The following RNGTT variants were observed in gnomAD, a reference collection of about 807,000 sequenced individuals.
RNGTT encodes mRNA-capping enzyme.
Under a neutral mutation model 79.3 loss-of-function variants are expected in RNGTT, and 33 were observed. That is an observed-to-expected ratio of 0.42 (90% CI 0.32 to 0.56). RNGTT has a LOEUF of 0.56. RNGTT is among the 20% of genes least tolerant of loss of function. The pLI, the probability that RNGTT is intolerant of heterozygous loss-of-function variation, is 0.17. For synonymous variants in RNGTT, 222 were observed against 235.9 expected, an observed-to-expected ratio of 0.94 and a Z score of 0.54; for missense variants, 497 against 739.1, an observed-to-expected ratio of 0.67 and a Z score of 3.80.
intron 11 of RNGTT, among the ~76,000 whole-genome samples, chr6:88,824,260 A>G (rs1780584130): frequency 1.3e-5 from 2 of 152,234 alleles, no homozygotes; most frequent in Admixed American, 1.3e-4. Flanking sequence ...TATACAATAT[A>G]CAGCCTATTG....
chr6:88,889,439 G>A (rs78714212), intron 8 of RNGTT, among the ~76,000 whole-genome samples: 2,852 of 152,148 alleles, frequency 0.019, 79 homozygotes, highest in African/African-American at 0.065. Flanking sequence ...GTAACTACAT[G>A]TTAAATGGAG....
At chr6:88,658,389 G>A (rs1274720588) in intron 14 of RNGTT, among the ~76,000 whole-genome samples, 1 of 152,184 alleles carries the variant, frequency 6.6e-6, no homozygotes, top group African/African-American at 2.4e-5. Flanking sequence ...GGTATCCACA[G>A]CTGGAAGATC....
intron 11 of RNGTT, among the ~76,000 whole-genome samples, chr6:88,813,767 G>T (rs1425728903): frequency 6.6e-6 from 1 of 152,132 alleles, no homozygotes; most frequent in Non-Finnish European, 1.5e-5. Flanking sequence ...CTCTACTCTA[G>T]TCTAGGTTAT....
chr6:88,648,714 T>C (rs1271505659), intron 14 of RNGTT, among the ~76,000 whole-genome samples: 1 of 152,172 alleles, frequency 6.6e-6, no homozygotes, highest in Non-Finnish European at 1.5e-5. Context: ...TTCTCCTAAT[T>C]GGTAGTGCAA....
intron 11 of RNGTT, among the ~76,000 whole-genome samples, chr6:88,804,933 T>C (rs1779906988): frequency 6.6e-6 from 1 of 152,220 alleles, no homozygotes; most frequent in Admixed American, 6.5e-5. Context: ...AAATGCTTTT[T>C]CCCCTCATTC....
intron 8 of RNGTT, among the ~76,000 whole-genome samples, chr6:88,869,301 A>G (rs751671908): frequency 1.5e-4 from 23 of 152,318 alleles, no homozygotes; most frequent in African/African-American, 5.5e-4. Context: ...ACTTCAAGTC[A>G]TAAGAAGCTT....
At chr6:88,932,084 G>A (rs760909617) in intron 2 of RNGTT, among the ~76,000 whole-genome samples, 3 of 152,098 alleles carry the variant, frequency 2.0e-5, no homozygotes, top group Admixed American at 6.6e-5. Flanking sequence ...AAATATCACT[G>A]AATTCTCTCC....
intron 13 of RNGTT, among the ~76,000 whole-genome samples, chr6:88,720,632 T>A (rs1296669814): frequency 6.6e-6 from 1 of 152,146 alleles, no homozygotes; most frequent in African/African-American, 2.4e-5. Context: ...GTTGTGAATA[T>A]GGTATTTGCT....
In RNGTT at chr6:88,652,983, C is replaced by G. The variant is rs16881006; in HGVS notation, c.1506+25370G>C. Among the ~76,000 whole-genome samples the G allele has an allele frequency of 8.3e-3, 1,259 of 152,264 alleles. 19 individuals carry two copies. The highest frequency in any genetic ancestry group is 0.029 in the African/African-American group (1,186 of 41,566). On this transcript the variant is annotated intron_variant, in intron 14 of 15. Transcript: ENST00000369485. ...ATAAGTAAAATGCATAACTTCTAGACATTTAATATGAATCTAGATCCGAAA... is the reference window on the plus strand; with the variant it reads ...ATAAGTAAAATGCATAACTTCTAGAGATTTAATATGAATCTAGATCCGAAA...
At chr6:88,651,399 T>C (rs865868479) in intron 14 of RNGTT, among the ~76,000 whole-genome samples, 1 of 152,174 alleles carries the variant, frequency 6.6e-6, no homozygotes, top group African/African-American at 2.4e-5. Flanking sequence ...CTGGAATGTT[T>C]AAAGTACCTA....
At chr6:88,711,645 C>T (rs889743472) in intron 13 of RNGTT, among the ~76,000 whole-genome samples, 2 of 152,204 alleles carry the variant, frequency 1.3e-5, no homozygotes, top group Admixed American at 1.3e-4. Flanking sequence ...TGTTCACGCC[C>T]ACTTGCAGAG....
At chr6:88,706,741 GTTTTATAACTTC>G (rs1776141383) in intron 13 of RNGTT, among the ~76,000 whole-genome samples, 1 of 151,910 alleles carries the variant, frequency 6.6e-6, no homozygotes, top group East Asian at 1.9e-4. Context: ...ACAAATAAAT[GTTTTATAACTTC>G]TTTAACTTAG....
intron 14 of RNGTT, among the ~76,000 whole-genome samples, chr6:88,645,650 A>T (rs1773519878): frequency 6.6e-6 from 1 of 152,210 alleles, no homozygotes; most frequent in Non-Finnish European, 1.5e-5. Flanking sequence ...TGGTACCAAA[A>T]CAGAGATACA....
chr6:88,717,373 A>T (rs1266415323), intron 13 of RNGTT, among the ~76,000 whole-genome samples: 1 of 152,232 alleles, frequency 6.6e-6, no homozygotes, highest in Non-Finnish European at 1.5e-5. Context: ...CTCAAATCAC[A>T]AAGATCTCAG....
chr6:88,900,463 T>C (rs1013763297), intron 6 of RNGTT, among the ~76,000 whole-genome samples: 4 of 152,068 alleles, frequency 2.6e-5, no homozygotes, highest in East Asian at 1.9e-4. Context: ...ATATCCAAAG[T>C]AGGCTGATGC....
intron 14 of RNGTT, among the ~76,000 whole-genome samples, chr6:88,677,667 T>G (rs994585649): frequency 1.3e-5 from 2 of 152,102 alleles, no homozygotes; most frequent in Non-Finnish European, 2.9e-5. Flanking sequence ...TTCACTATGT[T>G]GCCCAGGCTA....
At chr6:88,686,884 C>A (rs1457695693) in intron 13 of RNGTT, among the ~76,000 whole-genome samples, 1 of 147,412 alleles carries the variant, frequency 6.8e-6, no homozygotes, top group East Asian at 1.9e-4. Context: ...AGAAACCTTA[C>A]AAGTATTAAA....
chr6:88,767,691 A>C (rs3798774), intron 13 of RNGTT, among the ~76,000 whole-genome samples: 2 of 140,472 alleles, frequency 1.4e-5, no homozygotes, highest in Non-Finnish European at 3.1e-5. Flanking sequence ...AAAAAAAAAA[A>C]AAAAAAAAAA....
intron 4 of RNGTT, among the ~76,000 whole-genome samples, chr6:88,920,066 C>T (rs998807563): frequency 2.0e-5 from 3 of 152,164 alleles, no homozygotes; most frequent in Middle Eastern, 3.2e-3. Flanking sequence ...TTAATTGTTA[C>T]AATTTGTGGG....
Sources: allele counts gnomAD v4.1 joint callset (sites outside exome capture counted in the v4.1 genomes callset), GRCh38; gene constraint gnomAD v4.1.1; transcripts MANE v1.5; gene names NCBI Gene and HGNC (gene_info 2026-07-23, HGNC 2026-07-21).